PACRG: variants seen among roughly 807,000 people sequenced by gnomAD.
PACRG encodes parkin coregulated.
A neutral mutation model predicts 29.7 loss-of-function variants in PACRG; 29 were observed. The ratio of observed to expected loss-of-function variants is 0.98; its 90% CI spans 0.73 to 1.33. PACRG has a LOEUF of 1.33. PACRG is among the 40% of genes most tolerant of loss of function. The pLI is 0.00. For missense variants in PACRG, 279 were observed against 316.2 expected (o/e 0.88, Z 0.89); for synonymous variants, 116 against 118.7 (o/e 0.98, Z 0.15).
intron 1 of PACRG, among the ~76,000 whole-genome samples, chr6:162,794,958 G>A (rs1189863500): frequency 1.3e-5 from 2 of 151,614 alleles, no homozygotes; most frequent in East Asian, 3.9e-4. Context: ...TGAATATTGT[G>A]GAAAAAAAGA....
At chr6:162,816,968 C>T (rs2128367953) in intron 2 of PACRG, among the ~76,000 whole-genome samples, 2 of 152,290 alleles carry the variant, frequency 1.3e-5, no homozygotes, top group Middle Eastern at 6.8e-3. Context: ...AGGAGCAGTG[C>T]TTCCCTCCGA....
chr6:162,903,810 C>T (rs915013), intron 2 of PACRG, among the ~76,000 whole-genome samples: 98,551 of 152,022 alleles, frequency 0.65, 32,277 homozygotes, highest in Middle Eastern at 0.7. Context: ...TTTATGTGAT[C>T]GTGAGGGGTT....
intron 4 of PACRG, among the ~76,000 whole-genome samples, chr6:163,236,762 T>C (rs1782256389): frequency 6.6e-6 from 1 of 152,096 alleles, no homozygotes; most frequent in South Asian, 2.1e-4. Flanking sequence ...AAGAACTACC[T>C]GAGACTGGGT....
intron 4 of PACRG, among the ~76,000 whole-genome samples, chr6:163,179,599 G>A (rs1055307451): frequency 2.0e-5 from 3 of 152,066 alleles, no homozygotes; most frequent in East Asian, 1.9e-4. Flanking sequence ...CCTGCTACTC[G>A]GGAGGCCGAG....
intron 4 of PACRG, among the ~76,000 whole-genome samples, chr6:163,263,334 C>G (rs1384885965): frequency 6.6e-6 from 1 of 152,060 alleles, no homozygotes; most frequent in Non-Finnish European, 1.5e-5. Flanking sequence ...AGCTTGCTCA[C>G]AAGAGCTTCC....
At chr6:162,868,729 G>A (rs1316513188) in intron 2 of PACRG, among the ~76,000 whole-genome samples, 4 of 152,168 alleles carry the variant, frequency 2.6e-5, no homozygotes, top group Non-Finnish European at 4.4e-5. Context: ...ATGCACATGC[G>A]CACAGGGTCT....
chr6:162,797,211 G>A (rs1044842589), intron 1 of PACRG, among the ~76,000 whole-genome samples: 3 of 152,086 alleles, frequency 2.0e-5, no homozygotes, highest in Non-Finnish European at 4.4e-5. Flanking sequence ...AGAGGCAGAG[G>A]TTACAGTGAG....
chr6:162,834,314 A>G (rs1789032378), intron 2 of PACRG, among the ~76,000 whole-genome samples: 1 of 152,180 alleles, frequency 6.6e-6, no homozygotes. Flanking sequence ...ACATTAAAAT[A>G]TCAGGGTAAA....
rs995186365 is a variant in PACRG at position 162,853,698 on chromosome 6, C to T, written c.291+39417C>T. On this transcript the variant is annotated intron_variant, in intron 2 of 4. Transcript: ENST00000366888. The surrounding 1 kb of genome is among the most constrained non-coding windows in gnomAD (Gnocchi z 4.7). ...GGGATGTAACAGTATGTACAACAAA[C>T]GCCCATGATGCGTGTTTGTCTATGT... 6.6e-5 allele frequency among the ~76,000 whole-genome samples: 10 copies of T among 152,206 alleles called. No individual in the cohort carries two copies. The highest frequency in any genetic ancestry group is 2.1e-4 in the South Asian group (1 of 4,832).
At chr6:162,947,530 A>C (rs1348305052) in intron 2 of PACRG, among the ~76,000 whole-genome samples, 1 of 117,496 alleles carries the variant, frequency 8.5e-6, no homozygotes, top group Non-Finnish European at 1.7e-5. Flanking sequence ...AATCATATAT[A>C]TACTCATATA....
chr6:163,258,115 A>G (rs1399549052), intron 4 of PACRG, among the ~76,000 whole-genome samples: 1 of 152,150 alleles, frequency 6.6e-6, no homozygotes, highest in Non-Finnish European at 1.5e-5. Context: ...CCATTTTTAA[A>G]CAGAATTTAC....
At chr6:162,766,949 C>T (rs1310891615) in intron 1 of PACRG, among the ~76,000 whole-genome samples, 2 of 151,940 alleles carry the variant, frequency 1.3e-5, no homozygotes, top group Admixed American at 6.6e-5. Flanking sequence ...TTTAAATTTG[C>T]ATTTTCGTTT....
At chr6:162,880,811 C>T (rs116237475) in intron 2 of PACRG, among the ~76,000 whole-genome samples, 1,785 of 152,302 alleles carry the variant, frequency 0.012, 34 homozygotes, top group African/African-American at 0.041. Context: ...AACTACACAT[C>T]GCTTTCATCT....
chr6:162,961,089 T>G (rs1011273520), intron 2 of PACRG, among the ~76,000 whole-genome samples: 1 of 152,212 alleles, frequency 6.6e-6, no homozygotes, highest in Non-Finnish European at 1.5e-5. Context: ...CTCATAGCCC[T>G]GTGAACCTAT....
At chr6:163,031,760 A>C (rs1260953610) in intron 2 of PACRG, among the ~76,000 whole-genome samples, 1 of 152,142 alleles carries the variant, frequency 6.6e-6, no homozygotes, top group African/African-American at 2.4e-5. Context: ...AATACCTCTG[A>C]GTTGGGTAAA....
chr6:163,087,836 A>G (rs1562902662), intron 3 of PACRG, among the ~76,000 whole-genome samples: 2 of 151,526 alleles, frequency 1.3e-5, no homozygotes, highest in South Asian at 4.2e-4. Flanking sequence ...GGCAGTGAGG[A>G]TGGAGACTGG....
chr6:162,785,931 A>C (rs1188527110), intron 1 of PACRG, among the ~76,000 whole-genome samples: 1 of 152,226 alleles, frequency 6.6e-6, no homozygotes, highest in Non-Finnish European at 1.5e-5. Flanking sequence ...GACAGTGCAC[A>C]AGGCTGCCCC....
At chr6:163,225,213 C>T (rs544621552) in intron 4 of PACRG, among the ~76,000 whole-genome samples, 1 of 152,320 alleles carries the variant, frequency 6.6e-6, no homozygotes, top group South Asian at 2.1e-4. Context: ...TGTGGTTTGG[C>T]TGTGTCCCCA....
chr6:162,783,692 T>A (rs1387663650), intron 1 of PACRG, among the ~76,000 whole-genome samples: 1 of 152,002 alleles, frequency 6.6e-6, no homozygotes. Context: ...ACTTTCTAAT[T>A]ATCTCATTAG....
Sources: gnomAD v4.1 joint callset for allele counts (sites outside exome capture counted in the v4.1 genomes callset) on GRCh38, gnomAD v4.1.1 for gene constraint, Gnocchi (gnomAD v3.1) non-coding constraint, MANE v1.5 for transcripts, NCBI Gene and HGNC (gene_info 2026-07-23, HGNC 2026-07-21) for gene names.